Variants in USP24 observed in about 807,000 individuals in gnomAD.
USP24 encodes ubiquitin carboxyl-terminal hydrolase 24.
A neutral mutation model predicts 361.6 loss-of-function variants in USP24; 97 were observed. That is an observed-to-expected ratio of 0.27 (90% confidence interval 0.23 to 0.32). The LOEUF is 0.32. Ranked by LOEUF, USP24 falls within the 10% of genes least tolerant of loss-of-function variation. The pLI, the probability that USP24 is intolerant of heterozygous loss-of-function variation, is 1.00. For synonymous variants in USP24, 1,098 were observed against 1,124.6 expected (o/e 0.98, Z 0.47); for missense variants, 2,353 against 3,165.6 (o/e 0.74, Z 6.16).
intron 20 of USP24, among the ~76,000 whole-genome samples, chr1:55,144,464 A>G (rs544439336): frequency 6.6e-6 from 1 of 152,372 alleles, no homozygotes; most frequent in South Asian, 2.1e-4. Context: ...ACTATCTGAT[A>G]AGGAGCTAGT....
intron 66 of USP24, 126 bp from the exon 67 acceptor site, chr1:55,072,050 C>T (rs1202566229): frequency 3.5e-6 from 3 of 855,012 alleles, no homozygotes; most frequent in Non-Finnish European, 5.6e-6. Context: ...AGGCCTTCAT[C>T]ACAGTCACCA....
chr1:55,110,611 G>T (rs1378688028), intron 38 of USP24, among the ~76,000 whole-genome samples: 1 of 152,134 alleles, frequency 6.6e-6, no homozygotes, highest in Admixed American at 6.5e-5. Flanking sequence ...GTGAACTTAA[G>T]AAGGGAGACA....
chr1:55,097,861 T>C, intron 47 of USP24, 82 bp downstream of exon 47: 1 of 1,528,712 alleles, frequency 6.5e-7, no homozygotes, highest in Non-Finnish European at 8.8e-7. Context: ...AGTAGGAGCT[T>C]AATACTGATT....
intron 25 of USP24, 90 bp downstream of exon 25, chr1:55,138,854 T>C (rs1383981940): frequency 1.4e-6 from 2 of 1,428,484 alleles, no homozygotes; most frequent in Admixed American, 3.8e-5. Flanking sequence ...TGGTGTGTGC[T>C]AAACTCCCAG....
At chr1:55,090,174 T>G (rs1645343940) in intron 54 of USP24, among the ~76,000 whole-genome samples, 1 of 152,068 alleles carries the variant, frequency 6.6e-6, no homozygotes, top group African/African-American at 2.4e-5. Context: ...ATATCCTACC[T>G]TATGGAATAA....
intron 1 of USP24, among the ~76,000 whole-genome samples, chr1:55,194,506 G>C (rs1291676726): frequency 6.6e-6 from 1 of 152,136 alleles, no homozygotes; most frequent in African/African-American, 2.4e-5. Flanking sequence ...GGGAGGTTGA[G>C]GTGGGTGATC....
intron 1 of USP24, among the ~76,000 whole-genome samples, chr1:55,209,190 T>C (rs998628969): frequency 6.6e-6 from 1 of 152,208 alleles, no homozygotes; most frequent in Non-Finnish European, 1.5e-5. Flanking sequence ...CAATCTAGTA[T>C]CATGACTGAA....
intron 28 of USP24, among the ~76,000 whole-genome samples, chr1:55,136,821 A>G (rs766059658): frequency 3.5e-4 from 53 of 152,184 alleles, no homozygotes; most frequent in Admixed American, 1.5e-3. Flanking sequence ...GGGATAAATT[A>G]GGATTGGGGT....
chr1:55,097,114 G>T lies in USP24; in HGVS notation c.5774C>A (p.Ser1925Tyr), dbSNP rs61760215. 3 of 1,613,934 alleles carry T rather than the reference G, an allele frequency of 1.9e-6. No individual in the cohort carries two copies. The highest frequency in any genetic ancestry group is 2.5e-6 in the Non-Finnish European group (3 of 1,179,874). The change falls in exon 49 of 68, where the codon TCT (serine) becomes TAT (tyrosine). Residue 1925 changes from serine (S) to tyrosine (Y), a missense_variant. Ser to Tyr is a moderately radical substitution (Grantham distance 144). Transcript: ENST00000294383. ...CCCATTTTCCCCAACTTCAGAAGAAGAATCTTGGCGAGCCATTCCTGAAAC... is the reference window on the plus strand; with the variant it reads ...CCCATTTTCCCCAACTTCAGAAGAATAATCTTGGCGAGCCATTCCTGAAAC... ...YTVSGMARQD[S>Y]SSEVGENGRS... is the part of the protein sequence containing the mutation.
intron 16 of USP24, among the ~76,000 whole-genome samples, chr1:55,148,831 A>G (rs1450423450): frequency 6.6e-6 from 1 of 152,222 alleles, no homozygotes; most frequent in Non-Finnish European, 1.5e-5. Context: ...GTACATCAGC[A>G]AAAAACAGAC....
At chr1:55,179,859 T>C (rs564331077) in intron 1 of USP24, among the ~76,000 whole-genome samples, 2 of 152,216 alleles carry the variant, frequency 1.3e-5, no homozygotes, top group African/African-American at 4.8e-5. Context: ...CTTCACCAGC[T>C]CCCTAACTGG....
Position 55,184,776 on chromosome 1 carries a change from T to C in USP24, c.325-6644A>G, listed in dbSNP as rs181926926. On this transcript the variant is annotated intron_variant, in intron 1 of 67. Coordinates refer to ENST00000294383, the MANE Select transcript of USP24 (RefSeq NM_015306.3). ...AATTAAAAATCAACAGAAGGAAATA[T>C]GGAAAATTCAAAAATATGTGAAAAT... Among the ~76,000 whole-genome samples the C allele has an allele frequency of 3.9e-5, 6 of 152,248 alleles. No homozygotes were observed. The East Asian group carries it at 7.7e-4, about 20-fold the overall frequency.
rs112449869 is a variant in USP24, at chr1:55,201,173, A to G, written c.324+13617T>C. Among the ~76,000 whole-genome samples, 378 of 152,312 alleles carry G rather than the reference A, an allele frequency of 2.5e-3. 1 individual carries two copies. The highest frequency in any genetic ancestry group is 8.4e-3 in the African/African-American group (348 of 41,574). On this transcript the variant is annotated intron_variant, in intron 1 of 67. Transcript: ENST00000294383. The stretch of plus-strand genomic sequence containing the variant: ...TTAAGAGACTATTTGAGAAGCATGA[A>G]TGGGGGAAATGTGTTCCAAAATGGT...
chr1:55,190,625 G>A (rs1215555224), intron 1 of USP24, among the ~76,000 whole-genome samples: 2 of 152,152 alleles, frequency 1.3e-5, no homozygotes, highest in Non-Finnish European at 2.9e-5. Flanking sequence ...ACCATTAATG[G>A]TCACTGATTA....
intron 56 of USP24, among the ~76,000 whole-genome samples, chr1:55,084,719 A>G (rs1645214934): frequency 6.6e-6 from 1 of 151,634 alleles, no homozygotes; most frequent in South Asian, 2.1e-4. Flanking sequence ...CACCATTTCC[A>G]TTTACGGGGG....
At chr1:55,102,093 G>A (rs1415684099) in intron 42 of USP24, among the ~76,000 whole-genome samples, 1 of 152,074 alleles carries the variant, frequency 6.6e-6, no homozygotes, top group Non-Finnish European at 1.5e-5. Flanking sequence ...TTAGGGTAAA[G>A]AGGCATAATC....
chr1:55,211,210 T>C (rs1266611771), intron 1 of USP24, among the ~76,000 whole-genome samples: 1 of 152,132 alleles, frequency 6.6e-6, no homozygotes, highest in Non-Finnish European at 1.5e-5. Flanking sequence ...AGGGGGGTGG[T>C]TAAAAATCAG....
chr1:55,199,060 C>A (rs1371415374), intron 1 of USP24, among the ~76,000 whole-genome samples: 1 of 152,048 alleles, frequency 6.6e-6, no homozygotes, highest in African/African-American at 2.4e-5. Context: ...GAGGCCGAAG[C>A]GGGCAGATCA....
intron 64 of USP24, 57 bp downstream of exon 64, chr1:55,073,771 A>C (rs748111001): frequency 3.8e-5 from 56 of 1,476,790 alleles, no homozygotes; most frequent in Non-Finnish European, 5.0e-5. Context: ...CCTTCTGCTC[A>C]TATGTGACTT....
Sources: gnomAD v4.1 joint callset for allele counts (sites outside exome capture counted in the v4.1 genomes callset) on GRCh38, gnomAD v4.1.1 for gene constraint, MANE v1.5 for transcripts, NCBI Gene and HGNC (gene_info 2026-07-23, HGNC 2026-07-21) for gene names.